MYO16: variants seen among roughly 807,000 people sequenced by gnomAD.
MYO16 encodes the protein unconventional myosin-XVI.
In MYO16, 94 loss-of-function variants were observed where a neutral mutation model predicts 205.3. That is an observed-to-expected ratio of 0.46 (90% CI 0.39 to 0.54). MYO16 has a LOEUF of 0.54. Ranked by LOEUF, MYO16 falls within the 20% of genes least tolerant of loss-of-function variation. The pLI is 0.00. For missense variants in MYO16, 2,315 were observed against 2,387.5 expected (o/e 0.97, Z 0.63); for synonymous variants, 988 against 954.0 (o/e 1.04, Z -0.66).
chr13:108,521,419 A>G, the MYO16 span, among the ~76,000 whole-genome samples: 51 of 152,382 alleles, frequency 3.3e-4, no homozygotes, highest in East Asian at 8.7e-3. Flanking sequence ...AGGAGAGCAA[A>G]CAATGGAAAC....
chr13:108,671,931 G>A (rs1882006203), intron 2 of MYO16, among the ~76,000 whole-genome samples: 1 of 152,062 alleles, frequency 6.6e-6, no homozygotes, highest in Admixed American at 6.6e-5. Flanking sequence ...GAGGGTTAGG[G>A]CTTCTACATA....
chr13:109,116,122 G>A (rs530551842), intron 28 of MYO16, among the ~76,000 whole-genome samples: 3 of 152,144 alleles, frequency 2.0e-5, no homozygotes, highest in Non-Finnish European at 4.4e-5. Context: ...ATATGCCCAA[G>A]TAGTTGATTG....
rs143467560 is a variant in MYO16, at chr13:108,766,643, G to A, written c.508-18992G>A. Among the ~76,000 whole-genome samples, 39 of 152,286 alleles carry A rather than the reference G, an allele frequency of 2.6e-4. No individual in the cohort carries two copies. In the East Asian group the frequency reaches 6.6e-3, roughly 26 times the overall value. Reference sequence around the variant, plus strand: ...TTACAAGGCAGAGCGGGTAAATAGCGCCCAACAAGATGTGCGTCTGTTATT... The same window carrying A: ...TTACAAGGCAGAGCGGGTAAATAGCACCCAACAAGATGTGCGTCTGTTATT... On this transcript the variant is annotated intron_variant, in intron 4 of 34. Transcript: ENST00000457511.
intron 27 of MYO16, among the ~76,000 whole-genome samples, chr13:109,063,262 A>C (rs1887645317): frequency 6.6e-6 from 1 of 152,176 alleles, no homozygotes; most frequent in Non-Finnish European, 1.5e-5. Context: ...TTTTGATTAA[A>C]TATAGAAAAG....
the MYO16 span, among the ~76,000 whole-genome samples, chr13:108,545,697 G>A: frequency 6.6e-6 from 1 of 151,902 alleles, no homozygotes; most frequent in Non-Finnish European, 1.5e-5. Flanking sequence ...TAACCATTCC[G>A]GCTGGTGTGA....
chr13:108,830,090 C>CA (rs1180304088), intron 9 of MYO16, among the ~76,000 whole-genome samples: 1 of 133,360 alleles, frequency 7.5e-6, no homozygotes, highest in Non-Finnish European at 1.6e-5. Flanking sequence ...GAATGGCAAT[C>CA]ATTAAAAAGT....
At chr13:108,659,182 C>T (rs1881379569) in intron 1 of MYO16, among the ~76,000 whole-genome samples, 1 of 146,840 alleles carries the variant, frequency 6.8e-6, no homozygotes, top group Admixed American at 6.9e-5. Flanking sequence ...TGCATGGAAA[C>T]CATGTGTGTA....
intron 34 of MYO16, among the ~76,000 whole-genome samples, chr13:109,189,834 G>T (rs772947116): frequency 2.6e-5 from 4 of 152,070 alleles, no homozygotes; most frequent in Non-Finnish European, 4.4e-5. Flanking sequence ...GTAGGCCCAA[G>T]AAATCTTAGT....
intron 2 of MYO16, among the ~76,000 whole-genome samples, chr13:108,698,635 G>A (rs1361828876): frequency 1.3e-5 from 2 of 152,154 alleles, no homozygotes; most frequent in African/African-American, 4.8e-5. Context: ...ACATTTTTCA[G>A]ATAGGACTAA....
intron 25 of MYO16, among the ~76,000 whole-genome samples, chr13:109,054,584 G>A (rs1887353809): frequency 6.6e-6 from 1 of 151,988 alleles, no homozygotes; most frequent in Non-Finnish European, 1.5e-5. Context: ...AAGCAAATGA[G>A]GATCTATGTT....
At chr13:109,156,064 T>C (rs917542872) in intron 32 of MYO16, among the ~76,000 whole-genome samples, 7 of 152,222 alleles carry the variant, frequency 4.6e-5, no homozygotes, top group African/African-American at 1.7e-4. Context: ...AAGCCCTGTT[T>C]GCATTTCTTC....
chr13:108,985,266 C>A (rs1409222729), intron 20 of MYO16, among the ~76,000 whole-genome samples: 1 of 152,172 alleles, frequency 6.6e-6, no homozygotes, highest in African/African-American at 2.4e-5. Flanking sequence ...AGCTTTTATT[C>A]ATGCTGTGTT....
chr13:108,858,130 T>C (rs1480574722), intron 11 of MYO16, among the ~76,000 whole-genome samples: 1 of 152,214 alleles, frequency 6.6e-6, no homozygotes, highest in Non-Finnish European at 1.5e-5. Flanking sequence ...GATATATGAA[T>C]ATTTTATGAC....
intron 10 of MYO16, among the ~76,000 whole-genome samples, chr13:108,848,963 C>G (rs1355331526): frequency 6.6e-6 from 1 of 151,040 alleles, no homozygotes; most frequent in Admixed American, 6.6e-5. Context: ...CATGTGTGCA[C>G]GAGCACACAG....
chr13:108,786,997 T>C (rs975672326), intron 5 of MYO16, among the ~76,000 whole-genome samples: 5 of 152,248 alleles, frequency 3.3e-5, no homozygotes, highest in African/African-American at 1.2e-4. Context: ...GGGAAGTTAA[T>C]TATTTGGATC....
chr13:109,134,667 G>A (rs1416571743), intron 31 of MYO16, among the ~76,000 whole-genome samples: 4 of 152,210 alleles, frequency 2.6e-5, no homozygotes, highest in Non-Finnish European at 5.9e-5. Context: ...GAGAGTCAGT[G>A]CTTCAGGGGC....
Position 109,206,992 on chromosome 13 carries a change from G to A in MYO16, c.*156G>A. 1 of 593,664 alleles carries A rather than the reference G, an allele frequency of 1.7e-6. No individual in the cohort carries two copies. Among genetic ancestry groups the A allele is most frequent in the Non-Finnish European group, 2.9e-6 (1 of 340,410 alleles). The allele number at this position is 593,664 out of a possible 1,614,324, so 36.8% of individuals were successfully genotyped here. Reference sequence around the variant, plus strand: ...ACACTAAATATATGAGATCCCGTGTGTGTGTGTGTGTGTTTGTGTGTGTGT... The same window carrying A: ...ACACTAAATATATGAGATCCCGTGTATGTGTGTGTGTGTTTGTGTGTGTGT... On this transcript the variant is annotated 3_prime_UTR_variant, in exon 35 of 35. Coordinates refer to ENST00000457511, the MANE Select transcript of MYO16 (RefSeq NM_001198950.3).
chr13:108,518,423 A>G, the MYO16 span, among the ~76,000 whole-genome samples: 2 of 152,202 alleles, frequency 1.3e-5, no homozygotes, highest in East Asian at 3.9e-4. Flanking sequence ...GAGATGTCTA[A>G]GATGTCCTGA....
intron 21 of MYO16, among the ~76,000 whole-genome samples, chr13:109,006,604 T>G (rs995091240): frequency 2.6e-5 from 4 of 152,224 alleles, no homozygotes; most frequent in African/African-American, 9.6e-5. Context: ...ATATTTCTCA[T>G]TAAATATTAT....
Sources: gnomAD v4.1 joint callset for allele counts (sites outside exome capture counted in the v4.1 genomes callset) on GRCh38, gnomAD v4.1.1 for gene constraint, MANE v1.5 for transcripts, NCBI Gene and HGNC (gene_info 2026-07-23, HGNC 2026-07-21) for gene names.